The following PDGFRA variants were observed in gnomAD, a reference collection of about 807,000 sequenced individuals.
The protein encoded by PDGFRA is platelet derived growth factor receptor alpha, also known as platelet-derived growth factor receptor alpha.
PDGFRA carries 25 observed loss-of-function variants against 121.5 expected under a neutral mutation model. The observed-to-expected ratio is 0.21, with a 90% CI of 0.15 to 0.29. The LOEUF (loss-of-function observed/expected upper bound fraction) is 0.29. PDGFRA is among the 10% of genes least tolerant of loss of function. PDGFRA has a pLI of 1.00. For synonymous variants in PDGFRA, 463 were observed against 494.8 expected (o/e 0.94, Z 0.85); for missense variants, 1,008 against 1,345.1 (o/e 0.75, Z 3.92).
At chr4:54,254,113 A>T (rs1376283448) in intron 1 of PDGFRA, among the ~76,000 whole-genome samples, 1 of 152,196 alleles carries the variant, frequency 6.6e-6, no homozygotes, top group Non-Finnish European at 1.5e-5. Flanking sequence ...TTTAGAGTAG[A>T]AAAAGTGACA....
intron 1 of PDGFRA, among the ~76,000 whole-genome samples, chr4:54,254,131 C>A (rs1722218925): frequency 6.6e-6 from 1 of 152,264 alleles, no homozygotes; most frequent in East Asian, 1.9e-4. Flanking sequence ...ACAGGAACAG[C>A]AAGACTCACT....
Position 54,295,939 on chromosome 4 carries a change from A to G in PDGFRA, c.*667A>G, listed in dbSNP as rs1577756917. On this transcript the variant is annotated 3_prime_UTR_variant, in exon 23 of 23. Coordinates refer to ENST00000257290, the MANE Select transcript of PDGFRA (RefSeq NM_006206.6). ...TGTAATCTATGTTTATAATACTACTACTGTTATCAGTAATGCTAAATGTGT... is the reference window on the plus strand; with the variant it reads ...TGTAATCTATGTTTATAATACTACTGCTGTTATCAGTAATGCTAAATGTGT... The G allele has an allele frequency of 4.3e-6, 1 of 233,428 alleles. No homozygotes were observed. The highest frequency in any genetic ancestry group is 8.5e-6 in the Non-Finnish European group (1 of 118,054). The allele number at this position is 233,428 out of a possible 1,614,324, so 14.5% of individuals were successfully genotyped here.
chr4:54,259,560 C>T (rs1002148814), intron 2 of PDGFRA, among the ~76,000 whole-genome samples: 3 of 152,178 alleles, frequency 2.0e-5, no homozygotes, highest in African/African-American at 4.8e-5. Flanking sequence ...TAGTTTTCCT[C>T]CAGATATTTA....
intron 18 of PDGFRA, 119 bp downstream of exon 18, chr4:54,286,082 G>T (rs1724349033): frequency 2.9e-6 from 3 of 1,042,562 alleles, no homozygotes; most frequent in Non-Finnish European, 4.4e-6. Context: ...ATTTCAAGGG[G>T]TCAGTACACT....
chr4:54,274,052 A>G (rs903030879), intron 10 of PDGFRA, among the ~76,000 whole-genome samples: 3 of 152,216 alleles, frequency 2.0e-5, no homozygotes, highest in African/African-American at 7.2e-5. Context: ...TAATATAGCT[A>G]CAGTCTCTAC....
chr4:54,260,995 G>A (rs572814193), intron 2 of PDGFRA, 100 bp from the exon 3 acceptor site: 3 of 1,064,194 alleles, frequency 2.8e-6, no homozygotes, highest in East Asian at 2.4e-5. Context: ...TGTAGAAATG[G>A]TCATTGTTCA....
Position 54,278,345 on chromosome 4 carries a change from G to A in PDGFRA, c.2003-17G>A, listed in dbSNP as rs1723868843. 6.2e-7 allele frequency: 1 copy of A among 1,608,664 alleles called. No individual in the cohort carries two copies. The highest frequency in any genetic ancestry group is 8.5e-7 in the Non-Finnish European group (1 of 1,176,446). On this transcript the variant is annotated splice_polypyrimidine_tract_variant and intron_variant, in intron 14 of 22. Transcript: ENST00000257290. ...TTCATTTTCATACCCATCTCCTAAC[G>A]GCTTTTGTCCCCATAGGCCCCATTT...
intron 2 of PDGFRA, among the ~76,000 whole-genome samples, chr4:54,260,847 C>G (rs2110240755): frequency 6.6e-6 from 1 of 152,184 alleles, no homozygotes; most frequent in African/African-American, 2.4e-5. Flanking sequence ...ATCAGACATC[C>G]TCTGTCTATT....
At chr4:54,249,150 T>TC (rs1721891802) in intron 1 of PDGFRA, among the ~76,000 whole-genome samples, 1 of 152,138 alleles carries the variant, frequency 6.6e-6, no homozygotes, top group African/African-American at 2.4e-5. Context: ...GTAAACTAGT[T>TC]CAACCCTTGT....
At chr4:54,246,022 AATAT>A (rs1288175485) in intron 1 of PDGFRA, among the ~76,000 whole-genome samples, 1 of 152,192 alleles carries the variant, frequency 6.6e-6, no homozygotes, top group Non-Finnish European at 1.5e-5. Context: ...AACTATCCTA[AATAT>A]ATATGCACCC....
At chr4:54,251,545 A>G (rs574286414) in intron 1 of PDGFRA, among the ~76,000 whole-genome samples, 1 of 152,358 alleles carries the variant, frequency 6.6e-6, no homozygotes, top group African/African-American at 2.4e-5. Context: ...TTTGACTAGA[A>G]TGGTGTGCTT....
chr4:54,259,653 A>G (rs1006794412), intron 2 of PDGFRA, among the ~76,000 whole-genome samples: 26 of 152,130 alleles, frequency 1.7e-4, no homozygotes, highest in Admixed American at 4.6e-4. Context: ...TGTCTTACCC[A>G]TTTGGATATG....
intron 21 of PDGFRA, among the ~76,000 whole-genome samples, chr4:54,289,478 G>C (rs967715287): frequency 6.6e-6 from 1 of 152,232 alleles, no homozygotes. Context: ...GGACTGGAAG[G>C]AACAACCTCA....
At position 54,273,631 on chromosome 4, in the gene PDGFRA, C is replaced by A. The variant is rs763237825; in HGVS notation, c.1459C>A (p.Arg487Ser). 1.9e-6 allele frequency: 3 copies of A among 1,613,768 alleles called. No homozygotes were observed. Among genetic ancestry groups the A allele is most frequent in the Non-Finnish European group, 1.7e-6 (2 of 1,179,908 alleles). The change falls in exon 10 of 23, where the codon CGT becomes AGT. Residue 487 changes from arginine to serine, a missense_variant. Arg to Ser is a moderately radical substitution (Grantham distance 110). This residue lies in a region of PDGFRA where 575 missense variants were observed against 701.8 expected (regional missense o/e 0.82). Coordinates refer to ENST00000257290, the MANE Select transcript of PDGFRA (RefSeq NM_006206.6). Reference sequence around the variant, plus strand: ...CCGAGACAGGAGTACCGTGGAGGGCCGTGTGACTTTCGCCAAAGTGGAGGA... The same window carrying A: ...CCGAGACAGGAGTACCGTGGAGGGCAGTGTGACTTTCGCCAAAGTGGAGGA... ...HSRDRSTVEG[R>S]VTFAKVEETI...
chr4:54,247,834 G>T (rs538584158), intron 1 of PDGFRA, among the ~76,000 whole-genome samples: 2 of 152,138 alleles, frequency 1.3e-5, no homozygotes, highest in East Asian at 1.9e-4. Flanking sequence ...CATTGTCTCA[G>T]CCCAAAATCT....
chr4:54,258,834 T>C lies in PDGFRA; in HGVS notation c.49+17T>C, dbSNP rs1261906214. 4.4e-6 allele frequency: 7 copies of C among 1,608,720 alleles called. No homozygotes were observed. Among genetic ancestry groups the C allele is most frequent in the Non-Finnish European group, 6.0e-6 (7 of 1,175,062 alleles). On this transcript the variant is annotated intron_variant, in intron 2 of 22. Transcript: ENST00000257290. The stretch of plus-strand genomic sequence containing the variant: ...TTCTCACAGGTACGGAGCCCAGTCC[T>C]CTCTGAGTTCCTTGTTTGGGTGTCT...
rs10027698 is a variant in PDGFRA, at chr4:54,280,761, A to T, written c.2323+279A>T. 0.023 allele frequency: 4,865 copies of T among 210,040 alleles called. 251 individuals carry two copies. The highest frequency in any genetic ancestry group is 0.1 in the African/African-American group (4,390 of 43,446). The allele number at this position is 210,040 out of a possible 1,614,324, so 13.0% of individuals were successfully genotyped here. A position where few individuals can be genotyped will look rare whatever the true frequency, so the allele number is the denominator to read the frequency against. Reference sequence around the variant, plus strand: ...TGTGTTCCTGCAGTAAACATTTTTTAAAAAAAATAATTATTTATTCTGATA... The same window carrying T: ...TGTGTTCCTGCAGTAAACATTTTTTTAAAAAAATAATTATTTATTCTGATA... On this transcript the variant is annotated intron_variant, in intron 16 of 22. Transcript: ENST00000257290.
chr4:54,261,334 T>A lies in PDGFRA; in HGVS notation c.289T>A (p.Leu97Met), dbSNP rs1451975443. The A allele has an allele frequency of 1.2e-6, 2 of 1,613,858 alleles. No homozygotes were observed. Among genetic ancestry groups the A allele is most frequent in the African/African-American group, 2.7e-5 (2 of 74,874 alleles). The change falls in exon 3 of 23, where the codon TTG becomes ATG. Residue 97 changes from leucine to methionine, a missense_variant. By Grantham distance (15) the Leu-to-Met change is conservative (BLOSUM62 2). Around this residue, in one of 5 missense-constraint regions of PDGFRA, gnomAD observed 575 missense variants for 701.8 expected, o/e 0.82. Coordinates refer to ENST00000257290, the MANE Select transcript of PDGFRA (RefSeq NM_006206.6). ...CAGTGCCTCGGCGGCCCACACAGGG[T>A]TGTACACTTGCTATTACAACCACAC... is the stretch of plus-strand genomic sequence containing the variant. The part of the protein sequence containing the change: ...VSSASAAHTG[L>M]YTCYYNHTQT...
At chr4:54,273,328 G>C (rs1043594971) in intron 9 of PDGFRA, among the ~76,000 whole-genome samples, 7 of 152,162 alleles carry the variant, frequency 4.6e-5, no homozygotes, top group Non-Finnish European at 1.5e-5. Flanking sequence ...TAAACACTTA[G>C]CTTTCAGTTG....
Sources: allele counts gnomAD v4.1 joint callset (sites outside exome capture counted in the v4.1 genomes callset), GRCh38; gene constraint gnomAD v4.1.1; regional missense constraint gnomAD v4.1.1; transcripts MANE v1.5; gene names NCBI Gene and HGNC (gene_info 2026-07-23, HGNC 2026-07-21).